The following COG5 variants were observed in gnomAD, a reference collection of about 807,000 sequenced individuals.
COG5 encodes the protein component of oligomeric golgi complex 5.
Under a neutral mutation model 110.4 loss-of-function variants are expected in COG5, and 86 were observed. That is an observed-to-expected ratio of 0.78 (90% CI 0.65 to 0.93). COG5 has a LOEUF of 0.93. COG5 is among the 40% of genes least tolerant of loss of function. The pLI, the probability that COG5 is intolerant of heterozygous loss-of-function variation, is 0.00. For synonymous variants in COG5, 360 were observed against 334.6 expected, an observed-to-expected ratio of 1.08 and a Z score of -0.83; for missense variants, 1,077 against 987.0, an observed-to-expected ratio of 1.09 and a Z score of -1.22.
chr7:107,246,872 T>C (rs544509129), intron 17 of COG5, among the ~76,000 whole-genome samples: 2 of 152,342 alleles, frequency 1.3e-5, no homozygotes, highest in African/African-American at 4.8e-5. Flanking sequence ...TTACTGGCTA[T>C]ATATCCAGAG....
intron 6 of COG5, among the ~76,000 whole-genome samples, chr7:107,482,637 T>C (rs1797419782): frequency 1.3e-5 from 2 of 152,184 alleles, no homozygotes; most frequent in Admixed American, 1.3e-4. Context: ...TCATTTTAAC[T>C]GATTAAATTT....
chr7:107,502,806 A>G (rs1160553923), intron 6 of COG5, among the ~76,000 whole-genome samples: 1 of 152,088 alleles, frequency 6.6e-6, no homozygotes, highest in Non-Finnish European at 1.5e-5. Context: ...GACCATTTGC[A>G]TATCTTCTTT....
At chr7:107,463,926 T>G (rs142450450) in intron 6 of COG5, among the ~76,000 whole-genome samples, 2 of 152,130 alleles carry the variant, frequency 1.3e-5, no homozygotes, top group African/African-American at 4.8e-5. Flanking sequence ...CCTCAGTGCC[T>G]TCAGCCTACC....
chr7:107,236,399 A>C (rs1801193900), intron 18 of COG5, 51 bp downstream of exon 18: 2 of 1,270,810 alleles, frequency 1.6e-6, no homozygotes, highest in African/African-American at 1.5e-5. Context: ...CATTTAATAG[A>C]TGATATTGAG....
chr7:107,495,197 G>A (rs912805283), intron 6 of COG5, among the ~76,000 whole-genome samples: 11 of 152,034 alleles, frequency 7.2e-5, no homozygotes, highest in Non-Finnish European at 1.2e-4. Context: ...TGGCTGGCAC[G>A]GCAACTGAAA....
rs750705384 is a variant in COG5 at position 107,230,700 on chromosome 7, T to C, written c.2092-9A>G. 2 of 1,587,360 alleles carry C rather than the reference T, an allele frequency of 1.3e-6. No homozygotes were observed. Among genetic ancestry groups the C allele is most frequent in the African/African-American group, 1.3e-5 (1 of 74,444 alleles). ...CCCACAGCCAACTCCATCTGAAATATTAAAATATACTCCATTGTTGTAATG... is the reference window on the plus strand; with the variant it reads ...CCCACAGCCAACTCCATCTGAAATACTAAAATATACTCCATTGTTGTAATG... On this transcript the variant is annotated splice_polypyrimidine_tract_variant and intron_variant, in intron 18 of 21. Coordinates refer to ENST00000297135, the MANE Select transcript of COG5 (RefSeq NM_006348.5).
chr7:107,439,369 T>A (rs1363503002), intron 6 of COG5, among the ~76,000 whole-genome samples: 1 of 152,190 alleles, frequency 6.6e-6, no homozygotes, highest in Non-Finnish European at 1.5e-5. Context: ...AGGTAAGTTG[T>A]CAGTATTCTA....
rs1368039380 is a variant in COG5, at chr7:107,202,096, A to G, written c.*1420T>C. The G allele has an allele frequency of 6.5e-6, 1 of 152,704 alleles. No homozygotes were observed. Among genetic ancestry groups the G allele is most frequent in the African/African-American group, 2.4e-5 (1 of 41,468 alleles). The allele number at this position is 152,704 out of a possible 1,614,324, so 9.5% of individuals were successfully genotyped here. On this transcript the variant is annotated 3_prime_UTR_variant, in exon 22 of 22. Transcript: ENST00000297135. ...ATTATTTCCAATGGAGACCTAGCCC[A>G]GGCCAAGGTAAAGTTAGTTAATAGC...
intron 6 of COG5, among the ~76,000 whole-genome samples, chr7:107,428,355 A>T (rs541258136): frequency 6.6e-6 from 1 of 152,206 alleles, no homozygotes; most frequent in Admixed American, 6.5e-5. Context: ...CCTAAAAGAC[A>T]CCTTTTAAGG....
chr7:107,269,902 G>A (rs1484276659), intron 14 of COG5, among the ~76,000 whole-genome samples: 3 of 152,172 alleles, frequency 2.0e-5, no homozygotes, highest in Non-Finnish European at 4.4e-5. Context: ...ATGTCAGACT[G>A]GGTCACGAGG....
intron 18 of COG5, among the ~76,000 whole-genome samples, chr7:107,235,675 C>T (rs951513531): frequency 6.6e-6 from 1 of 152,184 alleles, no homozygotes; most frequent in African/African-American, 2.4e-5. Flanking sequence ...TGCACTCCAA[C>T]CTGGGCGACA....
chr7:107,267,570 C>A (rs1803901394), intron 14 of COG5, among the ~76,000 whole-genome samples: 1 of 152,080 alleles, frequency 6.6e-6, no homozygotes, highest in South Asian at 2.1e-4. Context: ...TTAAACAATC[C>A]TTCATATCTA....
At chr7:107,251,568 T>C (rs1162322655) in intron 16 of COG5, among the ~76,000 whole-genome samples, 1 of 152,016 alleles carries the variant, frequency 6.6e-6, no homozygotes. Context: ...ACAAGATATA[T>C]GCAGAACCCA....
intron 6 of COG5, among the ~76,000 whole-genome samples, chr7:107,498,583 C>T (rs1290775567): frequency 6.6e-6 from 1 of 152,016 alleles, no homozygotes; most frequent in Non-Finnish European, 1.5e-5. Context: ...GATACCACCT[C>T]ACATCCGTTA....
intron 6 of COG5, among the ~76,000 whole-genome samples, chr7:107,477,927 A>C (rs1797087969): frequency 6.6e-6 from 1 of 151,962 alleles, no homozygotes; most frequent in Non-Finnish European, 1.5e-5. Context: ...TCAAAAAAGC[A>C]TTAAGGCTAA....
chr7:107,348,858 A>T (rs1311549665), intron 10 of COG5, among the ~76,000 whole-genome samples: 1 of 151,532 alleles, frequency 6.6e-6, no homozygotes, highest in African/African-American at 2.4e-5. Flanking sequence ...CAATATTAGA[A>T]TTTTTCTTTT....
intron 11 of COG5, among the ~76,000 whole-genome samples, chr7:107,306,838 G>A (rs73415462): frequency 0.019 from 2,918 of 152,108 alleles, 85 homozygotes; most frequent in African/African-American, 0.065. Flanking sequence ...CCTTCTTCCC[G>A]TCTATTTCTA....
chr7:107,318,079 G>A (rs1475076397), intron 11 of COG5, among the ~76,000 whole-genome samples: 1 of 152,032 alleles, frequency 6.6e-6, no homozygotes, highest in African/African-American at 2.4e-5. Context: ...CCAGGCTGGA[G>A]TGCAGTGGGG....
chr7:107,422,631 A>G (rs1446713086), intron 6 of COG5, among the ~76,000 whole-genome samples: 2 of 151,758 alleles, frequency 1.3e-5, no homozygotes, highest in East Asian at 3.9e-4. Context: ...TTGTCCTTGG[A>G]GTTTTGGATG....
Sources: allele counts gnomAD v4.1 joint callset (sites outside exome capture counted in the v4.1 genomes callset), GRCh38; gene constraint gnomAD v4.1.1; transcripts MANE v1.5; gene names NCBI Gene and HGNC (gene_info 2026-07-23, HGNC 2026-07-21).